Variants in DEPTOR observed in about 807,000 individuals in gnomAD.
DEPTOR encodes DEP domain-containing mTOR-interacting protein.
A neutral mutation model predicts 41.6 loss-of-function variants in DEPTOR; 41 were observed. That is an observed-to-expected ratio of 0.98 (90% CI 0.77 to 1.28). DEPTOR has a LOEUF of 1.28. DEPTOR is among the 50% of genes most tolerant of loss of function. DEPTOR has a pLI of 0.00. For missense variants in DEPTOR, 514 were observed against 527.9 expected, an observed-to-expected ratio of 0.97 and a Z score of 0.26; for synonymous variants, 195 against 192.3, an observed-to-expected ratio of 1.01 and a Z score of -0.12.
chr8:120,018,882 A>G (rs1451147261), intron 8 of DEPTOR, among the ~76,000 whole-genome samples: 1 of 152,210 alleles, frequency 6.6e-6, no homozygotes, highest in Non-Finnish European at 1.5e-5. Context: ...TGATGCCCTC[A>G]GTAATACAGC....
At chr8:119,935,663 G>A (rs999070432) in intron 3 of DEPTOR, among the ~76,000 whole-genome samples, 5 of 151,518 alleles carry the variant, frequency 3.3e-5, no homozygotes, top group African/African-American at 9.7e-5. Context: ...GGAGGTTGCA[G>A]TGAGCCAAGA....
chr8:119,894,677 T>C (rs749185160), intron 1 of DEPTOR, among the ~76,000 whole-genome samples: 25 of 152,158 alleles, frequency 1.6e-4, no homozygotes, highest in Non-Finnish European at 3.7e-4. Flanking sequence ...ATTACAGGCG[T>C]GAGCCAACGC....
intron 1 of DEPTOR, among the ~76,000 whole-genome samples, chr8:119,916,059 A>G (rs1251800579): frequency 6.6e-6 from 1 of 151,690 alleles, no homozygotes; most frequent in East Asian, 1.9e-4. Flanking sequence ...GACATTCTCT[A>G]TCATTCCCAT....
At chr8:120,010,908 A>G (rs1049960124) in intron 8 of DEPTOR, among the ~76,000 whole-genome samples, 1 of 152,164 alleles carries the variant, frequency 6.6e-6, no homozygotes, top group Non-Finnish European at 1.5e-5. Context: ...ATACCTTTAT[A>G]TAGCACAGCT....
At chr8:120,020,708 T>C (rs558105140) in intron 8 of DEPTOR, among the ~76,000 whole-genome samples, 1 of 152,294 alleles carries the variant, frequency 6.6e-6, no homozygotes, top group East Asian at 1.9e-4. Context: ...GCTTCACCAC[T>C]TTTATAGGAC....
chr8:119,929,242 C>G (rs1039682366), intron 2 of DEPTOR, among the ~76,000 whole-genome samples: 2 of 152,134 alleles, frequency 1.3e-5, no homozygotes, highest in African/African-American at 4.8e-5. Flanking sequence ...CCATCGTTCT[C>G]TTGGAATACC....
At chr8:120,021,335 A>G (rs1042412182) in intron 8 of DEPTOR, among the ~76,000 whole-genome samples, 2 of 152,164 alleles carry the variant, frequency 1.3e-5, no homozygotes, top group African/African-American at 4.8e-5. Flanking sequence ...CCCAGGAGGC[A>G]GAGGTTGCAG....
intron 8 of DEPTOR, among the ~76,000 whole-genome samples, chr8:120,018,064 A>T (rs1007059839): frequency 6.6e-6 from 1 of 152,168 alleles, no homozygotes; most frequent in Admixed American, 6.5e-5. Flanking sequence ...AAAAAATGTC[A>T]AAATCCTGCT....
chr8:119,957,528 G>T (rs1035554860), intron 3 of DEPTOR, among the ~76,000 whole-genome samples: 1 of 151,646 alleles, frequency 6.6e-6, no homozygotes, highest in Admixed American at 6.6e-5. Context: ...AGAAATGAAG[G>T]AATGGTGGTA....
chr8:120,029,689 CCCAGCCAAGTTTTAAAATATGGATTTTTT>C lies in DEPTOR; in HGVS notation c.1102-19886_1102-19858del. Among the ~76,000 whole-genome samples the C allele has an allele frequency of 3.3e-5, 5 of 152,322 alleles. No individual in the cohort carries two copies. In the South Asian group the frequency reaches 1.0e-3, roughly 32 times the overall value. On this transcript the variant is annotated intron_variant, in intron 8 of 8. Transcript: ENST00000286234. ...GGGATTACAGGCGTGAGCCACCGCA[CCCAGCCAAGTTTTAAAATATGGATTTTTT>C]TCTGCTGAAAAGAAAATGTTTACTT...
chr8:120,003,468 G>T (rs1812387286), intron 6 of DEPTOR, among the ~76,000 whole-genome samples: 1 of 152,114 alleles, frequency 6.6e-6, no homozygotes, highest in South Asian at 2.1e-4. Context: ...GGCAAAGCAG[G>T]TGTCTTCAGA....
intron 6 of DEPTOR, among the ~76,000 whole-genome samples, chr8:120,005,798 A>G (rs1812428663): frequency 6.6e-6 from 1 of 152,002 alleles, no homozygotes; most frequent in African/African-American, 2.4e-5. Flanking sequence ...CAAGTCAGGA[A>G]TTGGCTGCTG....
Position 120,009,126 on chromosome 8 carries a change from G to A in DEPTOR, c.1094G>A (p.Gly365Glu), listed in dbSNP as rs750530440. Reference sequence around the variant, plus strand: ...CCCAGTGGCCCTGCAGCCGCAGCAGGAATGAAGGTACTAACGGGTCTTTCT... The same window carrying A: ...CCCAGTGGCCCTGCAGCCGCAGCAGAAATGAAGGTACTAACGGGTCTTTCT... ...VDPSGPAAAAGMKVCQFVVSV... is the reference protein window; with the variant it reads ...VDPSGPAAAAEMKVCQFVVSV... The change falls in exon 8 of 9, where the codon GGA becomes GAA. Residue 365 changes from glycine (G) to glutamate (E), a missense_variant. By Grantham distance (98) the Gly-to-Glu change is moderately conservative. Transcript: ENST00000286234. 6.2e-7 allele frequency: 1 copy of A among 1,613,806 alleles called. No individual in the cohort carries two copies. The highest frequency in any genetic ancestry group is 8.5e-7 in the Non-Finnish European group (1 of 1,179,930).
At chr8:119,882,318 TCTGTC>T (rs1827308840) in intron 1 of DEPTOR, among the ~76,000 whole-genome samples, 1 of 152,196 alleles carries the variant, frequency 6.6e-6, no homozygotes, top group African/African-American at 2.4e-5. Flanking sequence ...AGGTCATTCT[TCTGTC>T]CTGTTGTGTT....
Position 119,928,441 on chromosome 8 carries a change from A to T in DEPTOR, c.164A>T (p.His55Leu). The change falls in exon 2 of 9, where the codon CAT (histidine) becomes CTT (leucine). Residue 55 changes from histidine to leucine, a missense_variant. Coordinates refer to ENST00000286234, the MANE Select transcript of DEPTOR (RefSeq NM_022783.4). Reference sequence around the variant, plus strand: ...GAAAAGGTTATTAAAGATAGACGTCATCATCTCAAGACCTACCCAAACTGT... The same window carrying T: ...GAAAAGGTTATTAAAGATAGACGTCTTCATCTCAAGACCTACCCAAACTGT... Reference protein sequence around the residue: ...HEEKVIKDRRHHLKTYPNCFV... With the variant: ...HEEKVIKDRRLHLKTYPNCFV... 6.2e-7 allele frequency: 1 copy of T among 1,614,166 alleles called. No homozygotes were observed. Among genetic ancestry groups the T allele is most frequent in the Non-Finnish European group, 8.5e-7 (1 of 1,180,020 alleles).
At chr8:119,917,110 T>G (rs1260876599) in intron 1 of DEPTOR, among the ~76,000 whole-genome samples, 1 of 152,202 alleles carries the variant, frequency 6.6e-6, no homozygotes, top group Non-Finnish European at 1.5e-5. Flanking sequence ...CGGCAAGAGA[T>G]CTACGGGGCT....
At chr8:119,928,673 T>C in intron 2 of DEPTOR, 95 bp downstream of exon 2, 4 of 1,387,382 alleles carry the variant, frequency 2.9e-6, no homozygotes, top group Non-Finnish European at 3.9e-6. Context: ...CATTTTGCTT[T>C]ATTTTATCTC....
At chr8:120,002,861 A>G in intron 5 of DEPTOR, 116 bp from the exon 6 acceptor site, 2 of 1,183,660 alleles carry the variant, frequency 1.7e-6, no homozygotes, top group Non-Finnish European at 2.2e-6. Context: ...TTTTTCTGCC[A>G]CTAAGACCAG....
chr8:119,965,453 G>T, intron 4 of DEPTOR, 43 bp downstream of exon 4: 1 of 1,592,408 alleles, frequency 6.3e-7, no homozygotes, highest in Non-Finnish European at 8.5e-7. Flanking sequence ...CAAACAGCCA[G>T]CCCCAAATCT....
Sources: allele counts gnomAD v4.1 joint callset (sites outside exome capture counted in the v4.1 genomes callset), GRCh38; gene constraint gnomAD v4.1.1; transcripts MANE v1.5; gene names NCBI Gene and HGNC (gene_info 2026-07-23, HGNC 2026-07-21).